SLC25A21: variants seen among roughly 807,000 people sequenced by gnomAD.
SLC25A21 encodes the protein solute carrier family 25 member 21.
In SLC25A21, 47 loss-of-function variants were observed where a neutral mutation model predicts 43.8. The ratio of observed to expected loss-of-function variants is 1.07; its 90% CI spans 0.85 to 1.37. The LOEUF is 1.37. Among genes scored for constraint, SLC25A21 ranks in the 40% most tolerant of loss-of-function variants. SLC25A21 has a pLI of 0.00. For synonymous variants in SLC25A21, 131 were observed against 121.3 expected (o/e 1.08, Z -0.52); for missense variants, 352 against 350.2 (o/e 1.00, Z -0.04).
At chr14:36,775,031 CATA>C (rs1886772694) in intron 3 of SLC25A21, among the ~76,000 whole-genome samples, 1 of 152,118 alleles carries the variant, frequency 6.6e-6, no homozygotes, top group South Asian at 2.1e-4. Flanking sequence ...ACTTTTATAG[CATA>C]ATAAAATTAA....
chr14:37,040,433 A>AAGAG (rs1555343497), intron 1 of SLC25A21, among the ~76,000 whole-genome samples: 15 of 104,256 alleles, frequency 1.4e-4, no homozygotes, highest in South Asian at 2.6e-4. Context: ...GAAAGAAAGA[A>AAGAG]AGAAAGAAAA....
At chr14:36,948,904 AG>A (rs1252940188) in intron 1 of SLC25A21, among the ~76,000 whole-genome samples, 3 of 152,214 alleles carry the variant, frequency 2.0e-5, no homozygotes, top group African/African-American at 7.2e-5. Context: ...GCTATTCAAA[AG>A]TTTGGATTTG....
chr14:37,015,394 G>C (rs1960830437), intron 1 of SLC25A21, among the ~76,000 whole-genome samples: 1 of 151,936 alleles, frequency 6.6e-6, no homozygotes, highest in African/African-American at 2.4e-5. Flanking sequence ...TGGCTGCATA[G>C]TATTCCATGG....
At chr14:37,041,575 G>T (rs1160079821) in intron 1 of SLC25A21, among the ~76,000 whole-genome samples, 1 of 152,148 alleles carries the variant, frequency 6.6e-6, no homozygotes, top group Admixed American at 6.5e-5. Context: ...ATCTATTTCT[G>T]TTGAGTAAGA....
intron 1 of SLC25A21, among the ~76,000 whole-genome samples, chr14:36,913,496 G>C (rs191247072): frequency 5.3e-5 from 8 of 152,104 alleles, no homozygotes; most frequent in African/African-American, 1.9e-4. Context: ...GGCTGGCCTC[G>C]AATTCCTGAG....
At chr14:37,128,534 C>CTGTGTGTG (rs1307864585) in intron 1 of SLC25A21, among the ~76,000 whole-genome samples, 3 of 97,944 alleles carry the variant, frequency 3.1e-5, no homozygotes, top group African/African-American at 1.5e-4. Flanking sequence ...CTCTCTCTCT[C>CTGTGTGTG]TCTCTGTGTG....
chr14:37,006,032 A>T (rs1960596229), intron 1 of SLC25A21, among the ~76,000 whole-genome samples: 1 of 152,196 alleles, frequency 6.6e-6, no homozygotes, highest in Admixed American at 6.5e-5. Flanking sequence ...TAAAGATGGT[A>T]TTACAAATTT....
In SLC25A21 at chr14:36,911,729, G is replaced by A. The variant is rs1369964105; in HGVS notation, c.71-36725C>T. The stretch of plus-strand genomic sequence containing the variant: ...CCCCAGCCACTATCTGATTGTAACT[G>A]CATGAAACACCCCATCAAGACCAGT... On this transcript the variant is annotated intron_variant, in intron 1 of 9. Transcript: ENST00000331299. Among the ~76,000 whole-genome samples, 3 of 152,180 alleles carry A rather than the reference G, an allele frequency of 2.0e-5. No homozygotes were observed. In the East Asian group the frequency reaches 5.8e-4, roughly 30 times the overall value.
At chr14:36,805,345 C>T (rs1207871009) in intron 3 of SLC25A21, among the ~76,000 whole-genome samples, 2 of 152,146 alleles carry the variant, frequency 1.3e-5, no homozygotes, top group African/African-American at 4.8e-5. Context: ...GTGGTGATGA[C>T]AGCAGGGAGA....
At chr14:37,063,197 A>G (rs1961986923) in intron 1 of SLC25A21, among the ~76,000 whole-genome samples, 1 of 152,094 alleles carries the variant, frequency 6.6e-6, no homozygotes, top group Non-Finnish European at 1.5e-5. Flanking sequence ...TATGGGAACT[A>G]CAATTCAAGA....
chr14:37,056,388 G>T (rs1354498958), intron 1 of SLC25A21, among the ~76,000 whole-genome samples: 1 of 151,756 alleles, frequency 6.6e-6, no homozygotes, highest in Non-Finnish European at 1.5e-5. Flanking sequence ...TACTCGGGAG[G>T]CTGAGGCAGG....
intron 2 of SLC25A21, among the ~76,000 whole-genome samples, chr14:36,845,845 G>A (rs999854670): frequency 6.6e-6 from 1 of 152,150 alleles, no homozygotes; most frequent in African/African-American, 2.4e-5. Context: ...GCACACTGGC[G>A]CTTCTCCAGT....
chr14:36,931,653 A>T (rs1488803171), intron 1 of SLC25A21, among the ~76,000 whole-genome samples: 1 of 152,152 alleles, frequency 6.6e-6, no homozygotes, highest in Non-Finnish European at 1.5e-5. Context: ...GAGGACTTAA[A>T]TGGAGAACTG....
intron 6 of SLC25A21, among the ~76,000 whole-genome samples, chr14:36,713,749 G>A (rs933252774): frequency 2.6e-5 from 4 of 152,188 alleles, no homozygotes; most frequent in South Asian, 2.1e-4. Context: ...TTTGGGAGGC[G>A]GAGGCAGGAG....
At chr14:36,969,090 T>C (rs1959687149) in intron 1 of SLC25A21, among the ~76,000 whole-genome samples, 1 of 152,234 alleles carries the variant, frequency 6.6e-6, no homozygotes, top group Non-Finnish European at 1.5e-5. Context: ...GAAATTAATA[T>C]ATCGGAAAAT....
chr14:36,697,751 C>CTTTTTTTTTTTTTTTTTTTTT (rs1883096336), intron 7 of SLC25A21, among the ~76,000 whole-genome samples: 13 of 73,950 alleles, frequency 1.8e-4, no homozygotes, highest in African/African-American at 1.8e-4. Context: ...TTTTTTTTTG[C>CTTTTTTTTTTTTTTTTTTTTT]TTTCCATTTG....
chr14:37,039,692 G>A (rs545931790), intron 1 of SLC25A21, among the ~76,000 whole-genome samples: 2 of 152,256 alleles, frequency 1.3e-5, no homozygotes, highest in East Asian at 1.9e-4. Flanking sequence ...GCTAGACACT[G>A]GAATATACAG....
At chr14:37,135,959 T>C (rs1963473419) in intron 1 of SLC25A21, among the ~76,000 whole-genome samples, 1 of 152,236 alleles carries the variant, frequency 6.6e-6, no homozygotes, top group African/African-American at 2.4e-5. Flanking sequence ...ACTATTATTA[T>C]CACTTATATA....
At chr14:36,709,595 T>C (rs994828509) in intron 7 of SLC25A21, among the ~76,000 whole-genome samples, 4 of 152,202 alleles carry the variant, frequency 2.6e-5, no homozygotes, top group African/African-American at 4.8e-5. Flanking sequence ...TTCTACTCAA[T>C]AAATGAGATT....
Sources: allele counts gnomAD v4.1 joint callset (sites outside exome capture counted in the v4.1 genomes callset), GRCh38; gene constraint gnomAD v4.1.1; transcripts MANE v1.5; gene names NCBI Gene and HGNC (gene_info 2026-07-23, HGNC 2026-07-21).